RNF38: variants seen among roughly 807,000 people sequenced by gnomAD.
The protein encoded by RNF38 is ring finger protein 38.
A neutral mutation model predicts 67.2 loss-of-function variants in RNF38; 15 were observed. The ratio of observed to expected loss-of-function variants is 0.22; its 90% CI spans 0.15 to 0.34. The LOEUF is 0.34. Ranked by LOEUF, RNF38 falls within the 10% of genes least tolerant of loss-of-function variation. The pLI, the probability that RNF38 is intolerant of heterozygous loss-of-function variation, is 1.00. For synonymous variants in RNF38, 220 were observed against 218.8 expected (o/e 1.01, Z -0.05); for missense variants, 524 against 639.9 (o/e 0.82, Z 1.95).
chr9:36,400,000 A>T, intron 1 of RNF38, 97 bp downstream of exon 1: 1 of 1,087,370 alleles, frequency 9.2e-7, no homozygotes, highest in South Asian at 1.4e-5. Context: ...GGCAATAATT[A>T]CATGTGTGTG....
intron 1 of RNF38, among the ~76,000 whole-genome samples, chr9:36,434,053 T>C (rs866361317): frequency 2.0e-5 from 3 of 151,484 alleles, no homozygotes; most frequent in South Asian, 4.2e-4. Flanking sequence ...CTAGCCAACA[T>C]GGTGAAACCC....
At chr9:36,464,767 G>A (rs1000856603) in intron 1 of RNF38, among the ~76,000 whole-genome samples, 22 of 152,090 alleles carry the variant, frequency 1.4e-4, no homozygotes, top group Non-Finnish European at 2.6e-4. Flanking sequence ...AAATAACTGT[G>A]ATCAATCTGG....
At chr9:36,389,975 A>T (rs1382222855) in intron 2 of RNF38, among the ~76,000 whole-genome samples, 1 of 152,164 alleles carries the variant, frequency 6.6e-6, no homozygotes, top group East Asian at 1.9e-4. Flanking sequence ...TACACACCTT[A>T]CTTTCGAGTT....
At chr9:36,387,055 G>A (rs1006027951) in intron 2 of RNF38, among the ~76,000 whole-genome samples, 3 of 152,190 alleles carry the variant, frequency 2.0e-5, no homozygotes, top group Middle Eastern at 3.4e-3. Context: ...CACCTGCTTC[G>A]GCCTCCCAAA....
chr9:36,476,220 G>T (rs1276928182), intron 1 of RNF38, among the ~76,000 whole-genome samples: 1 of 152,038 alleles, frequency 6.6e-6, no homozygotes, highest in South Asian at 2.1e-4. Context: ...GGTCTCCCGG[G>T]TTCAAATGAG....
intron 1 of RNF38, among the ~76,000 whole-genome samples, chr9:36,451,473 GA>G (rs1037896940): frequency 2.2e-5 from 2 of 91,300 alleles, no homozygotes; most frequent in African/African-American, 3.7e-5. Flanking sequence ...TCTTAAAGAA[GA>G]AAAAAAAATT....
chr9:36,391,548 A>G (rs146446425), intron 1 of RNF38, among the ~76,000 whole-genome samples: 7 of 151,686 alleles, frequency 4.6e-5, no homozygotes, highest in East Asian at 1.9e-4. Flanking sequence ...CATTCACTCA[A>G]TCCTACATTT....
At chr9:36,403,120 G>T (rs1316826112), upstream of RNF38, among the ~76,000 whole-genome samples, 1 of 152,136 alleles carries the variant, frequency 6.6e-6, no homozygotes, top group Admixed American at 6.6e-5. Flanking sequence ...TTCTTAACCA[G>T]AAAATCTTAA....
intron 2 of RNF38, among the ~76,000 whole-genome samples, chr9:36,420,430 G>A (rs1451825481): frequency 6.6e-6 from 1 of 150,432 alleles, no homozygotes; most frequent in Non-Finnish European, 1.5e-5. Context: ...TACTAGGGAG[G>A]CTGAGGCAGG....
In RNF38 at chr9:36,397,579, C is replaced by A. The variant is rs148326283; in HGVS notation, c.12+2518G>T. Among the ~76,000 whole-genome samples, 626 of 152,198 alleles carry A rather than the reference C, an allele frequency of 4.1e-3. 2 individuals are homozygous for A. Among genetic ancestry groups the A allele is most frequent in the Middle Eastern group, 0.014 (4 of 294 alleles). ...GCAAACAAACAGGACCCATCTCTTT[C>A]TGAGAGCACAGCAGAAATAGGGTGT... On this transcript the variant is annotated intron_variant, in intron 1 of 11. Coordinates refer to ENST00000259605, the MANE Select transcript of RNF38 (RefSeq NM_022781.5).
intron 2 of RNF38, among the ~76,000 whole-genome samples, chr9:36,406,980 G>C (rs371022773): frequency 5.3e-5 from 8 of 151,996 alleles, no homozygotes; most frequent in African/African-American, 1.9e-4. Flanking sequence ...TGGACAGCAT[G>C]ATGAAACCCC....
intron 11 of RNF38, among the ~76,000 whole-genome samples, chr9:36,341,136 C>T (rs1832794389): frequency 6.6e-6 from 1 of 152,176 alleles, no homozygotes; most frequent in South Asian, 2.1e-4. Flanking sequence ...AGAGTGGCTT[C>T]ACAACAAGCC....
intron 2 of RNF38, among the ~76,000 whole-genome samples, chr9:36,381,698 C>A (rs965283102): frequency 3.3e-5 from 5 of 152,202 alleles, no homozygotes; most frequent in African/African-American, 1.2e-4. Context: ...CACCTAAAAT[C>A]TTTAAGTCCT....
intron 1 of RNF38, among the ~76,000 whole-genome samples, chr9:36,397,511 A>C (rs2134106940): frequency 6.6e-6 from 1 of 152,296 alleles, no homozygotes; most frequent in Admixed American, 6.5e-5. Flanking sequence ...AGCACCGGAC[A>C]ATCATTTCTA....
At chr9:36,400,308 T>C, upstream of RNF38, 1 of 1,272,964 alleles carries the variant, frequency 7.9e-7, no homozygotes, top group Non-Finnish European at 1.0e-6. Context: ...CGCGTTCTCC[T>C]GGGTGACATC....
chr9:36,401,087 C>T, upstream of RNF38: 1 of 985,140 alleles, frequency 1.0e-6, no homozygotes, highest in Non-Finnish European at 1.2e-6. Flanking sequence ...CGTCCCCTCG[C>T]CAGCACAAAC....
intron 1 of RNF38, among the ~76,000 whole-genome samples, chr9:36,440,455 T>G (rs1174380604): frequency 6.6e-6 from 1 of 151,498 alleles, no homozygotes; most frequent in African/African-American, 2.4e-5. Context: ...CACTTGAACC[T>G]GGGAGGCAAA....
chr9:36,473,633 T>C (rs1018366985), intron 1 of RNF38, among the ~76,000 whole-genome samples: 7 of 152,030 alleles, frequency 4.6e-5, no homozygotes, highest in African/African-American at 1.7e-4. Context: ...ACCACTCTGA[T>C]GTACCACTCT....
At chr9:36,475,258 A>AT (rs1840097322) in intron 1 of RNF38, among the ~76,000 whole-genome samples, 1 of 152,106 alleles carries the variant, frequency 6.6e-6, no homozygotes, top group Non-Finnish European at 1.5e-5. Context: ...GAACTGATGC[A>AT]TATCTGAATT....
Sources: allele counts gnomAD v4.1 joint callset (sites outside exome capture counted in the v4.1 genomes callset), GRCh38; gene constraint gnomAD v4.1.1; transcripts MANE v1.5; gene names NCBI Gene and HGNC (gene_info 2026-07-23, HGNC 2026-07-21).